TLE6: variants seen among roughly 807,000 people sequenced by gnomAD.
The protein encoded by TLE6 is transducin-like enhancer protein 6.
In TLE6, 72 loss-of-function variants were observed where a neutral mutation model predicts 77.1. The ratio of observed to expected loss-of-function variants is 0.93; its 90% CI spans 0.77 to 1.14. The LOEUF (loss-of-function observed/expected upper bound fraction) is 1.14. Among genes scored for constraint, TLE6 ranks in the 50% most tolerant of loss-of-function variants. TLE6 has a pLI of 0.00. For missense variants in TLE6, 843 were observed against 747.6 expected, an observed-to-expected ratio of 1.13 and a Z score of -1.49; for synonymous variants, 366 against 287.3, an observed-to-expected ratio of 1.27 and a Z score of -2.77.
chr19:2,987,414 CG>C (rs1280099319), intron 8 of TLE6, 42 bp downstream of exon 8: 1 of 1,612,172 alleles, frequency 6.2e-7, no homozygotes, highest in African/African-American at 1.3e-5. Context: ...GGTGGGCTTC[CG>C]GGCAGGCGGT....
intron 2 of TLE6, among the ~76,000 whole-genome samples, chr19:2,979,857 G>A (rs1056763137): frequency 2.0e-5 from 3 of 151,406 alleles, no homozygotes; most frequent in Admixed American, 6.6e-5. Flanking sequence ...CCAGCTACTC[G>A]GGAGGCTGAG....
intron 12 of TLE6, 36 bp from the exon 13 acceptor site, chr19:2,989,499 G>C (rs763308252): frequency 7.5e-6 from 12 of 1,593,162 alleles, no homozygotes; most frequent in Non-Finnish European, 1.0e-5. Context: ...GAATGCCACG[G>C]GGGGCGACAG....
chr19:2,993,575 C>T lies in TLE6; in HGVS notation c.1530C>T (p.Ser510=). The change falls in exon 15 of 17, where the codon TCC becomes TCT. Residue 510 remains serine, a synonymous_variant. Transcript: ENST00000246112. ...GCGTCATCCTGAGCGTCAAGTTCTC[C>T]CCCTTTGGTAAGCGGCTGGCGGAAG... ...KDSVILSVKF[S]PFGQWWASVG... 2 of 1,560,798 alleles carry T rather than the reference C, an allele frequency of 1.3e-6. No individual in the cohort carries two copies. Among genetic ancestry groups the T allele is most frequent in the Non-Finnish European group, 1.7e-6 (2 of 1,147,608 alleles).
intron 15 of TLE6, 93 bp from the exon 16 acceptor site, chr19:2,993,920 CAAAAAA>C (rs34647224): frequency 2.6e-3 from 1,427 of 546,246 alleles, no homozygotes; most frequent in East Asian, 4.9e-3. Context: ...GACCCTGTCT[CAAAAAA>C]AAAAAAAAAA....
intron 13 of TLE6, among the ~76,000 whole-genome samples, chr19:2,991,425 C>CACACACACAT (rs1300185737): frequency 2.4e-4 from 32 of 135,552 alleles, no homozygotes; most frequent in Middle Eastern, 3.6e-3. Context: ...CACACACACA[C>CACACACACAT]ATATATATAA....
At chr19:2,986,071 CAAAAAAAAAAAAAAAAA>C (rs547031586) in intron 5 of TLE6, among the ~76,000 whole-genome samples, 17 of 41,274 alleles carry the variant, frequency 4.1e-4, no homozygotes, top group Admixed American at 1.9e-3. Context: ...GAGACTGTCT[CAAAAAAAAAAAAAAAAA>C]AAAAAAAAAA....
In TLE6 at chr19:2,995,061, C is replaced by CCG. The variant is rs981702810; in HGVS notation, c.*58_*59insGC. 32 of 1,030,650 alleles carry CCG rather than the reference C, an allele frequency of 3.1e-5. No individual in the cohort carries two copies. The highest frequency in any genetic ancestry group is 6.1e-4 in the Middle Eastern group (2 of 3,294). 63.8% of individuals were successfully genotyped at this position (1,030,650 alleles called of 1,614,324 possible). ...CCTCTTTTCATCCCCCCCCTTCCCC[C>CCG]CCCCCAACAAGGGGGACATGGTGGA... On this transcript the variant is annotated 3_prime_UTR_variant, in exon 17 of 17. Transcript: ENST00000246112.
chr19:2,978,028 A>T (rs1249853951), intron 1 of TLE6, among the ~76,000 whole-genome samples, 170 bp from the exon 2 acceptor site: 1 of 152,018 alleles, frequency 6.6e-6, no homozygotes, highest in East Asian at 1.9e-4. Context: ...GGGCAGCTGG[A>T]GGCATTGATA....
intron 2 of TLE6, among the ~76,000 whole-genome samples, chr19:2,978,867 G>A (rs10425696): frequency 0.038 from 5,753 of 152,248 alleles, 395 homozygotes; most frequent in African/African-American, 0.13. Context: ...TCCCAGAGAT[G>A]ACCATTTGTA....
chr19:2,986,802 A>G, intron 5 of TLE6, 27 bp from the exon 6 acceptor site: 1 of 1,550,714 alleles, frequency 6.4e-7, no homozygotes, highest in East Asian at 2.4e-5. Flanking sequence ...ACAACATTTA[A>G]CTGTTTTGCT....
At chr19:2,989,357 CAG>C (rs747840979) in intron 12 of TLE6, 44 bp downstream of exon 12, 15 of 1,605,058 alleles carry the variant, frequency 9.3e-6, no homozygotes, top group Middle Eastern at 1.7e-4. Context: ...CTTCTGGGAA[CAG>C]GGGGTTTGAG....
intron 6 of TLE6, 21 bp from the exon 7 acceptor site, chr19:2,986,962 G>A: frequency 6.3e-7 from 1 of 1,581,934 alleles, no homozygotes; most frequent in Non-Finnish European, 8.6e-7. Flanking sequence ...AGCTCTCACT[G>A]CCTTGTTCCT....
chr19:2,991,006 T>TTACA (rs200186447), intron 13 of TLE6, among the ~76,000 whole-genome samples: 6,860 of 103,068 alleles, frequency 0.067, 172 homozygotes, highest in African/African-American at 0.09. Context: ...AAAAAAAATT[T>TTACA]TACATACATA....
chr19:2,983,436 G>T (rs115260572), intron 5 of TLE6, among the ~76,000 whole-genome samples: 1,665 of 152,240 alleles, frequency 0.011, 18 homozygotes, highest in African/African-American at 0.025. Flanking sequence ...GGGAAGGCAT[G>T]CGAGAAGGTG....
rs773314693 is a variant in TLE6, at chr19:2,994,968, C to T, written c.1683C>T (p.Ser561=). ...SSNNRLVVTG[S]GEHASVYQIT... ...ACAACCGCCTCGTTGTCACAGGCTCCGGGGAGCACGCCTCCGTGTACCAGA... is the reference window on the plus strand; with the variant it reads ...ACAACCGCCTCGTTGTCACAGGCTCTGGGGAGCACGCCTCCGTGTACCAGA... The change falls in exon 17 of 17, where the codon TCC becomes TCT. Residue 561 remains serine, a synonymous_variant. Transcript: ENST00000246112. The T allele has an allele frequency of 2.2e-5, 35 of 1,608,934 alleles. No individual in the cohort carries two copies. In the Admixed American group the frequency reaches 2.5e-4, roughly 12 times the overall value.
In TLE6 at chr19:2,981,540, T is replaced by C; in HGVS notation, c.137T>C (p.Phe46Ser). ...AGCCTGTCCTCCTTCCCCCTCAGGTTTTCTCCTCATTTTGCTGCGGAGTTG... is the reference window on the plus strand; with the variant it reads ...AGCCTGTCCTCCTTCCCCCTCAGGTCTTCTCCTCATTTTGCTGCGGAGTTG... Reference protein sequence around the residue: ...ILNRLKQFPRFSPHFAAELES... With the variant: ...ILNRLKQFPRSSPHFAAELES... The change falls in exon 4 of 17, where the codon TTT (phenylalanine) becomes TCT (serine). Residue 46 changes from phenylalanine (F) to serine (S), a missense_variant and splice_region_variant. Phe to Ser is a radical substitution (Grantham distance 155). Coordinates refer to ENST00000246112, the MANE Select transcript of TLE6 (RefSeq NM_001143986.2). The C allele has an allele frequency of 1.3e-6, 2 of 1,551,476 alleles. No homozygotes were observed. Among genetic ancestry groups the C allele is most frequent in the Non-Finnish European group, 1.7e-6 (2 of 1,146,926 alleles).
chr19:2,985,991 T>C lies in TLE6; in HGVS notation c.223-838T>C, dbSNP rs535048656. 5.2e-5 allele frequency among the ~76,000 whole-genome samples: 7 copies of C among 133,886 alleles called. No homozygotes were observed. The South Asian group carries it at 1.6e-3, about 31-fold the overall frequency. 87.8% of individuals were successfully genotyped at this position (133,886 alleles called of 152,430 possible). ...TGGGAGGCTGAGGCAGGAGAATTGC[T>C]TGAACCCAGGAGGCGGAGGTTGCAG... On this transcript the variant is annotated intron_variant, in intron 5 of 16. Transcript: ENST00000246112.
chr19:2,992,073 C>T (rs753981140), intron 14 of TLE6, 89 bp downstream of exon 14: 176 of 1,501,200 alleles, frequency 1.2e-4, no homozygotes, highest in Non-Finnish European at 1.5e-4. Flanking sequence ...CCGTGGCTCA[C>T]GCCTATAATC....
chr19:2,984,896 T>G (rs1211615452), intron 5 of TLE6, among the ~76,000 whole-genome samples: 4 of 152,190 alleles, frequency 2.6e-5, no homozygotes, highest in Non-Finnish European at 5.9e-5. Context: ...AGAAACTACA[T>G]TTAACTTCGG....
Sources: allele counts gnomAD v4.1 joint callset (sites outside exome capture counted in the v4.1 genomes callset), GRCh38; gene constraint gnomAD v4.1.1; transcripts MANE v1.5; gene names NCBI Gene and HGNC (gene_info 2026-07-23, HGNC 2026-07-21).